Variants in STK32B observed in about 807,000 individuals in gnomAD.
STK32B encodes the protein serine/threonine-protein kinase 32B.
Under a neutral mutation model 52.6 loss-of-function variants are expected in STK32B, and 43 were observed. That is an observed-to-expected ratio of 0.82 (90% CI 0.64 to 1.05). The LOEUF (loss-of-function observed/expected upper bound fraction) is 1.05. Among genes scored for constraint, STK32B ranks in the 50% least tolerant of loss-of-function variants. The pLI is 0.00. For missense variants in STK32B, 621 were observed against 534.6 expected (o/e 1.16, Z -1.59); for synonymous variants, 238 against 204.3 (o/e 1.17, Z -1.41).
At chr4:5,325,898 C>G (rs1206791007) in intron 3 of STK32B, among the ~76,000 whole-genome samples, 1 of 152,124 alleles carries the variant, frequency 6.6e-6, no homozygotes, top group Non-Finnish European at 1.5e-5. Context: ...TGCAAAACTA[C>G]AGAGAGATAA....
intron 3 of STK32B, among the ~76,000 whole-genome samples, chr4:5,298,703 A>T (rs1362198609): frequency 6.6e-6 from 1 of 152,112 alleles, no homozygotes; most frequent in East Asian, 1.9e-4. Context: ...ATTTCAAGCC[A>T]TTGGATCTTA....
chr4:5,331,092 C>A, intron 3 of STK32B, 128 bp from the exon 4 acceptor site: 1 of 848,084 alleles, frequency 1.2e-6, no homozygotes, highest in South Asian at 2.0e-5. Flanking sequence ...TCCCATAGCA[C>A]CATGACTCAG....
chr4:5,265,691 T>G (rs912745879), intron 3 of STK32B, among the ~76,000 whole-genome samples: 1 of 152,232 alleles, frequency 6.6e-6, no homozygotes, highest in African/African-American at 2.4e-5. Context: ...AATAAACCTT[T>G]CCACATCTTA....
chr4:5,307,549 T>G (rs1577321367), intron 3 of STK32B, among the ~76,000 whole-genome samples: 1 of 84,466 alleles, frequency 1.2e-5, no homozygotes, highest in African/African-American at 1.4e-4. Context: ...ATGCTCTATC[T>G]TTTTTTTTTT....
rs1420400081 is a variant in STK32B at position 5,394,258 on chromosome 4, T to C, written c.435-3949T>C. On this transcript the variant is annotated intron_variant, in intron 4 of 11. Transcript: ENST00000282908. This position sits in a 1 kb window ranked among gnomAD's most constrained non-coding sequence, Gnocchi z 4.2. ...TGCATGCGTACTTTCCATCAAAGTG[T>C]CATTTTGCCCAACTCTGAAATTATG... 6.6e-6 allele frequency among the ~76,000 whole-genome samples: 1 copy of C among 152,158 alleles called. No homozygotes were observed. The highest frequency in any genetic ancestry group is 1.5e-5 in the Non-Finnish European group (1 of 68,030).
chr4:5,340,682 G>A (rs1733015396), intron 4 of STK32B, among the ~76,000 whole-genome samples: 1 of 152,166 alleles, frequency 6.6e-6, no homozygotes, highest in Non-Finnish European at 1.5e-5. Context: ...TAACAACAGT[G>A]ACAATGAATC....
At chr4:5,182,555 G>A (rs1413266511) in intron 3 of STK32B, among the ~76,000 whole-genome samples, 2 of 151,642 alleles carry the variant, frequency 1.3e-5, no homozygotes, top group Non-Finnish European at 2.9e-5. Flanking sequence ...TCTGCCTCCC[G>A]GGTTCAAGAG....
intron 1 of STK32B, among the ~76,000 whole-genome samples, chr4:5,110,644 A>G (rs1714355914): frequency 1.3e-5 from 2 of 152,170 alleles, no homozygotes; most frequent in South Asian, 4.1e-4. Flanking sequence ...AAGACCTGAA[A>G]CTATATTAAG....
intron 7 of STK32B, among the ~76,000 whole-genome samples, chr4:5,456,156 T>C (rs1269755206): frequency 6.6e-6 from 1 of 152,206 alleles, no homozygotes; most frequent in Non-Finnish European, 1.5e-5. Context: ...TGAGAGGGGC[T>C]TAGAAGCAAG....
At chr4:5,171,151 G>T (rs910711618) in intron 3 of STK32B, among the ~76,000 whole-genome samples, 30 of 151,938 alleles carry the variant, frequency 2.0e-4, no homozygotes, top group African/African-American at 7.0e-4. Context: ...TTTTGATGGG[G>T]TTGTTTGTTT....
chr4:5,472,367 T>A (rs1717911660), intron 11 of STK32B, among the ~76,000 whole-genome samples: 1 of 152,214 alleles, frequency 6.6e-6, no homozygotes. Context: ...AGAACAAAAT[T>A]AAAATTAGCG....
chr4:5,428,922 G>C (rs907195893), intron 6 of STK32B, among the ~76,000 whole-genome samples: 1 of 152,130 alleles, frequency 6.6e-6, no homozygotes, highest in Non-Finnish European at 1.5e-5. Flanking sequence ...CCTTTGGTTA[G>C]TGTTTACATG....
At position 5,386,207 on chromosome 4, in the gene STK32B, A is replaced by G. The variant is rs570046957; in HGVS notation, c.435-12000A>G. Among the ~76,000 whole-genome samples the G allele has an allele frequency of 4.0e-5, 6 of 151,340 alleles. No homozygotes were observed. The highest frequency in any genetic ancestry group is 4.2e-4 in the South Asian group (2 of 4,760). On this transcript the variant is annotated intron_variant, in intron 4 of 11. Transcript: ENST00000282908. This position sits in a 1 kb window ranked among gnomAD's most constrained non-coding sequence, Gnocchi z 4.5. ...CACAGCACCCTCACTCTCCCCCTCT[A>G]TTTCCCTCAGCGTATCATATTATGC...
intron 3 of STK32B, among the ~76,000 whole-genome samples, chr4:5,190,737 A>G (rs1185355884): frequency 6.6e-6 from 1 of 152,148 alleles, no homozygotes; most frequent in East Asian, 1.9e-4. Flanking sequence ...GAGTAAGAGG[A>G]ACCTTGCCAT....
the STK32B span, among the ~76,000 whole-genome samples, chr4:5,042,692 G>A: frequency 6.6e-6 from 1 of 152,192 alleles, no homozygotes; most frequent in Non-Finnish European, 1.5e-5. Context: ...GAGGCTTCCT[G>A]ATTGAAAATG....
chr4:5,242,334 T>C (rs907237981), intron 3 of STK32B, among the ~76,000 whole-genome samples: 1 of 152,244 alleles, frequency 6.6e-6, no homozygotes, highest in Non-Finnish European at 1.5e-5. Flanking sequence ...CCAGTGATGA[T>C]GAGCAGTTTT....
intron 1 of STK32B, among the ~76,000 whole-genome samples, chr4:5,113,930 C>A (rs35830411): frequency 0.016 from 2,405 of 152,160 alleles, 29 homozygotes; most frequent in Non-Finnish European, 0.026. Context: ...AAACCCGCCC[C>A]CCTTTTTAAA....
chr4:5,231,254 G>A (rs1393870670), intron 3 of STK32B, among the ~76,000 whole-genome samples: 1 of 152,150 alleles, frequency 6.6e-6, no homozygotes, highest in African/African-American at 2.4e-5. Context: ...TGGCTGCCTT[G>A]CCTCCATGCT....
rs564197561 is a variant in STK32B at position 5,234,194 on chromosome 4, C to T, written c.260+65744C>T. ...GGAAGCGTTGTGTAGTACAAGTGGC[C>T]GCTCTTTTGAATCAACTCTGCTACT... On this transcript the variant is annotated intron_variant, in intron 3 of 11. Transcript: ENST00000282908. Among the ~76,000 whole-genome samples, 83 of 152,142 alleles carry T rather than the reference C, an allele frequency of 5.5e-4. 1 individual carries two copies. The highest frequency in any genetic ancestry group is 9.6e-4 in the Non-Finnish European group (65 of 68,008).
Sources: gnomAD v4.1 joint callset for allele counts (sites outside exome capture counted in the v4.1 genomes callset) on GRCh38, gnomAD v4.1.1 for gene constraint, Gnocchi (gnomAD v3.1) non-coding constraint, MANE v1.5 for transcripts, NCBI Gene and HGNC (gene_info 2026-07-23, HGNC 2026-07-21) for gene names.